The following HOOK1 variants were observed in gnomAD, a reference collection of about 807,000 sequenced individuals.
The protein encoded by HOOK1 is protein Hook homolog 1.
HOOK1 carries 60 observed loss-of-function variants against 112.8 expected under a neutral mutation model. That is an observed-to-expected ratio of 0.53 (90% CI 0.43 to 0.66). The LOEUF (loss-of-function observed/expected upper bound fraction) is 0.66, where lower values mean the gene tolerates loss of function less well. Among genes scored for constraint, HOOK1 ranks in the 30% least tolerant of loss-of-function variants. The probability of loss-of-function intolerance (pLI) is 0.00; values close to 1 mark genes in which losing one functional copy is unlikely to be tolerated. For missense variants in HOOK1, 770 were observed against 856.0 expected (o/e 0.90, Z 1.25); for synonymous variants, 294 against 283.8 (o/e 1.04, Z -0.36).
At position 59,858,464 on chromosome 1, in the gene HOOK1, A is replaced by G. The variant is rs2098411817; in HGVS notation, c.1279A>G (p.Asn427Asp). Residue 427 changes from asparagine (N) to aspartate (D), a missense_variant, in exon 13 of 22, where the codon AAT becomes GAT. Transcript: ENST00000371208. ...GCAGCGTGATACTTTGAAAGAAACA[A>G]ATGAAGAGCTTCGATGTTCACAAGT... The part of the protein sequence containing the change: ...IEQRDTLKET[N>D]EELRCSQVQQ... The G allele has an allele frequency of 6.2e-7, 1 of 1,613,466 alleles. No homozygotes were observed. Among genetic ancestry groups the G allele is most frequent in the Non-Finnish European group, 8.5e-7 (1 of 1,179,402 alleles).
intron 12 of HOOK1, among the ~76,000 whole-genome samples, chr1:59,854,019 TATATATATATATATATATA>T (rs1371480388): frequency 1.2e-4 from 3 of 24,212 alleles, no homozygotes; most frequent in African/African-American, 5.1e-4. Flanking sequence ...TATATATATA[TATATATATATATATATATA>T]TTTTTTTTTT....
At position 59,866,818 on chromosome 1, in the gene HOOK1, T is replaced by C. The variant is rs990258165; in HGVS notation, c.1845+846T>C. Among the ~76,000 whole-genome samples, 5 of 152,194 alleles carry C rather than the reference T, an allele frequency of 3.3e-5. 1 individual carries two copies. The highest frequency in any genetic ancestry group is 7.2e-5 in the African/African-American group (3 of 41,452). On this transcript the variant is annotated intron_variant, in intron 19 of 21. Coordinates refer to ENST00000371208, the MANE Select transcript of HOOK1 (RefSeq NM_015888.6). ...GTTTACTTAAGCATTATCCTACTATTGGAAATAATCTGTATTCATTTCCTT... is the reference window on the plus strand; with the variant it reads ...GTTTACTTAAGCATTATCCTACTATCGGAAATAATCTGTATTCATTTCCTT...
Position 59,858,410 on chromosome 1 carries a change from A to G in HOOK1, c.1243-18A>G. 2.0e-6 allele frequency: 3 copies of G among 1,507,138 alleles called. No homozygotes were observed. Among genetic ancestry groups the G allele is most frequent in the Non-Finnish European group, 2.8e-6 (3 of 1,082,520 alleles). 93.4% of individuals were successfully genotyped at this position (1,507,138 alleles called of 1,614,324 possible). A position where few individuals can be genotyped will look rare whatever the true frequency, so the allele number is the denominator to read the frequency against. The stretch of plus-strand genomic sequence containing the variant: ...AGGCAGAATTAAATACTTTGCTGAT[A>G]TCAACAATTCTTTTCAGAGACTAAT... On this transcript the variant is annotated intron_variant, in intron 12 of 21. Coordinates refer to ENST00000371208, the MANE Select transcript of HOOK1 (RefSeq NM_015888.6).
intron 15 of HOOK1, among the ~76,000 whole-genome samples, chr1:59,860,690 T>G (rs1199716688): frequency 6.6e-6 from 1 of 152,060 alleles, no homozygotes; most frequent in Admixed American, 6.6e-5. Context: ...GTTCAAGTGA[T>G]TCTCATGCCT....
Position 59,864,641 on chromosome 1 carries a change from T to G in HOOK1, c.1636T>G (p.Leu546Val). The change falls in exon 17 of 22, where the codon TTA (leucine) becomes GTA (valine). Residue 546 changes from leucine (L) to valine (V), a missense_variant. By Grantham distance (32) the Leu-to-Val change is conservative. Around this residue, in one of 3 missense-constraint regions of HOOK1, gnomAD observed 655 missense variants for 725.9 expected, o/e 0.90. Coordinates refer to ENST00000371208, the MANE Select transcript of HOOK1 (RefSeq NM_015888.6). ...SKSEGESSSK[L>V]KQKLEAHMEK... ...TTTTTAAATTTTATAGTCCAGCAAA[T>G]TAAAGCAGAAGTTGGAAGCTCATAT... The G allele has an allele frequency of 6.5e-7, 1 of 1,545,376 alleles. No homozygotes were observed. The highest frequency in any genetic ancestry group is 1.4e-5 in the African/African-American group (1 of 73,094).
intron 12 of HOOK1, among the ~76,000 whole-genome samples, chr1:59,857,546 C>A (rs2102060979): frequency 6.6e-6 from 1 of 152,248 alleles, no homozygotes; most frequent in Non-Finnish European, 1.5e-5. Flanking sequence ...GGTCTTTGTG[C>A]CTGCTCCTGC....
rs901068858 is a variant in HOOK1, at chr1:59,873,425, G to C, written c.*460G>C. The stretch of plus-strand genomic sequence containing the variant: ...GGCAGGGACATGGAGAACTATGCAA[G>C]GGTGATTTCTTTGACTTAATATATA... On this transcript the variant is annotated 3_prime_UTR_variant, in exon 22 of 22. Coordinates refer to ENST00000371208, the MANE Select transcript of HOOK1 (RefSeq NM_015888.6). 6.6e-6 allele frequency: 1 copy of C among 151,944 alleles called. No individual in the cohort carries two copies. Among genetic ancestry groups the C allele is most frequent in the East Asian group, 1.9e-4 (1 of 5,180 alleles). 9.4% of individuals were successfully genotyped at this position (151,944 alleles called of 1,614,324 possible).
At position 59,871,111 on chromosome 1, in the gene HOOK1, G is replaced by GAATA; in HGVS notation, c.2016+1_2016+2insAATA. On this transcript the variant is annotated splice_donor_variant, in intron 21 of 21. Coordinates refer to ENST00000371208, the MANE Select transcript of HOOK1 (RefSeq NM_015888.6). LOFTEE classifies it high-confidence loss of function. ...CATTGTTTCTGCGTGGTATAATAAGGTGAGCTGAAGTTCAGCAAATGATTG... is the reference window on the plus strand; with the variant it reads ...CATTGTTTCTGCGTGGTATAATAAGGAATATGAGCTGAAGTTCAGCAAATGATTG... 3 of 1,606,130 alleles carry GAATA rather than the reference G, an allele frequency of 1.9e-6. No individual in the cohort carries two copies. The highest frequency in any genetic ancestry group is 2.6e-6 in the Non-Finnish European group (3 of 1,173,712).
chr1:59,834,206 T>C (rs1171260662), intron 5 of HOOK1, among the ~76,000 whole-genome samples: 1 of 152,180 alleles, frequency 6.6e-6, no homozygotes, highest in Non-Finnish European at 1.5e-5. Context: ...TCCAAACTTG[T>C]TCTTAGTACA....
Position 59,848,526 on chromosome 1 carries a change from A to G in HOOK1, c.1131+10A>G, listed in dbSNP as rs1357676967. On this transcript the variant is annotated intron_variant, in intron 11 of 21. Transcript: ENST00000371208. ...AACATACAAAAGGCAGGTAAGAAAC[A>G]TCTTAATTTTTAATTGATAAAATTG... 2 of 1,579,236 alleles carry G rather than the reference A, an allele frequency of 1.3e-6. No homozygotes were observed. Among genetic ancestry groups the G allele is most frequent in the Admixed American group, 3.4e-5 (2 of 58,412 alleles).
At chr1:59,844,669 A>G (rs942585992) in intron 9 of HOOK1, among the ~76,000 whole-genome samples, 2 of 152,024 alleles carry the variant, frequency 1.3e-5, no homozygotes, top group Non-Finnish European at 2.9e-5. Context: ...TATAATTGAT[A>G]TCTTAACTAT....
intron 14 of HOOK1, among the ~76,000 whole-genome samples, chr1:59,859,826 T>C (rs1401825709): frequency 6.6e-6 from 1 of 152,068 alleles, no homozygotes; most frequent in Non-Finnish European, 1.5e-5. Context: ...TCTAAGCATA[T>C]ACTATTTGTT....
At position 59,869,693 on chromosome 1, in the gene HOOK1, A is replaced by G. The variant is rs1004832301; in HGVS notation, c.1947+1342A>G. Among the ~76,000 whole-genome samples the G allele has an allele frequency of 4.6e-5, 7 of 152,274 alleles. No individual in the cohort carries two copies. In the East Asian group the frequency reaches 7.7e-4, roughly 17 times the overall value. On this transcript the variant is annotated intron_variant, in intron 20 of 21. Coordinates refer to ENST00000371208, the MANE Select transcript of HOOK1 (RefSeq NM_015888.6). Reference sequence around the variant, plus strand: ...ATTCTTCCTACATCCATAGTACGACACCAACCCGATACGCCCTTGCTATCA... The same window carrying G: ...ATTCTTCCTACATCCATAGTACGACGCCAACCCGATACGCCCTTGCTATCA...
rs1491568693 is a variant in HOOK1 at position 59,873,725 on chromosome 1, C to CCATATA, written c.*760_*761insCATATA. On this transcript the variant is annotated 3_prime_UTR_variant, in exon 22 of 22. Transcript: ENST00000371208. ...AGGTGACTTTCTGATGGAAAGCAAG[C>CCATATA]TATATATATATATATATATATATAT... 5.3e-5 allele frequency: 3 copies of CCATATA among 56,216 alleles called. No individual in the cohort carries two copies. Among genetic ancestry groups the CCATATA allele is most frequent in the East Asian group, 7.9e-4 (1 of 1,272 alleles). The allele number at this position is 56,216 out of a possible 1,614,324, so 3.5% of individuals were successfully genotyped here. A position where few individuals can be genotyped will look rare whatever the true frequency, so the allele number is the denominator to read the frequency against.
At chr1:59,870,963 C>A in intron 20 of HOOK1, 79 bp from the exon 21 acceptor site, 2 of 926,582 alleles carry the variant, frequency 2.2e-6, no homozygotes, top group South Asian at 1.4e-5. Flanking sequence ...CAATAATGAA[C>A]ATAGTGAAGA....
intron 12 of HOOK1, among the ~76,000 whole-genome samples, chr1:59,851,039 T>G (rs2098406891): frequency 6.6e-6 from 1 of 151,674 alleles, no homozygotes; most frequent in African/African-American, 2.4e-5. Flanking sequence ...TCTAATCTTA[T>G]GCTAGTACCA....
At chr1:59,840,480 T>C (rs1294278863) in intron 8 of HOOK1, 89 bp downstream of exon 8, 2 of 697,778 alleles carry the variant, frequency 2.9e-6, no homozygotes, top group Non-Finnish European at 4.3e-6. Flanking sequence ...CACTATGTTT[T>C]GTAGATTAGG....
rs528176621 is a variant in HOOK1, at chr1:59,825,130, A to G, written c.149+3187A>G. ...CCTCTGTCTGTGTCTCTTTTCTTAT[A>G]AGGGCACCAGACATATCAGATTAGG... On this transcript the variant is annotated intron_variant, in intron 2 of 21. Transcript: ENST00000371208. Among the ~76,000 whole-genome samples the G allele has an allele frequency of 5.6e-4, 85 of 152,294 alleles. 2 individuals are homozygous for G. In the South Asian group the frequency reaches 0.017, roughly 30 times the overall value.
At chr1:59,829,147 T>TA (rs2098392061) in intron 3 of HOOK1, among the ~76,000 whole-genome samples, 1 of 151,904 alleles carries the variant, frequency 6.6e-6, no homozygotes, top group Non-Finnish European at 1.5e-5. Flanking sequence ...GAACTCTGTA[T>TA]AAATTGAATC....
Sources: gnomAD v4.1 joint callset for allele counts (sites outside exome capture counted in the v4.1 genomes callset) on GRCh38, gnomAD v4.1.1 for gene constraint, gnomAD v4.1.1 regional missense constraint, MANE v1.5 for transcripts, NCBI Gene and HGNC (gene_info 2026-07-23, HGNC 2026-07-21) for gene names.